The following ZNF407 variants were observed in gnomAD, a reference collection of about 807,000 sequenced individuals.
The protein encoded by ZNF407 is zinc finger protein 407.
ZNF407 carries 17 observed loss-of-function variants against 131.2 expected under a neutral mutation model. That is an observed-to-expected ratio of 0.13 (90% CI 0.09 to 0.19). The LOEUF is 0.19. ZNF407 is among the 10% of genes least tolerant of loss of function. ZNF407 has a pLI of 1.00. For missense variants in ZNF407, 2,681 were observed against 2,830.6 expected, an observed-to-expected ratio of 0.95 and a Z score of 1.20; for synonymous variants, 1,156 against 1,062.0, an observed-to-expected ratio of 1.09 and a Z score of -1.72.
chr18:75,063,461 A>C lies in ZNF407; in HGVS notation c.5740A>C (p.Thr1914Pro). Residue 1914 changes from threonine to proline, a missense_variant, in exon 9 of 9, where the codon ACG becomes CCG. By Grantham distance (38) the Thr-to-Pro change is conservative. Around this residue, in one of 6 missense-constraint regions of ZNF407, gnomAD observed 620 missense variants for 583.1 expected, o/e 1.06. Transcript: ENST00000299687. This position sits in a 1 kb window ranked among gnomAD's most constrained non-coding sequence, Gnocchi z 6.6. ...HITEDGQVIA[T>P]SQSGAHVGSV... Reference sequence around the variant, plus strand: ...CACGGAGGATGGCCAGGTCATCGCCACGAGTCAGAGCGGGGCACATGTAGG... The same window carrying C: ...CACGGAGGATGGCCAGGTCATCGCCCCGAGTCAGAGCGGGGCACATGTAGG... 1 of 1,606,362 alleles carries C rather than the reference A, an allele frequency of 6.2e-7. No homozygotes were observed. The highest frequency in any genetic ancestry group is 8.5e-7 in the Non-Finnish European group (1 of 1,177,506).
At chr18:75,042,539 G>T (rs1022505332) in intron 8 of ZNF407, among the ~76,000 whole-genome samples, 2 of 152,088 alleles carry the variant, frequency 1.3e-5, no homozygotes, top group Non-Finnish European at 2.9e-5. Flanking sequence ...GACAGGAAAT[G>T]ATTGGCACAC....
At chr18:74,718,376 T>C in intron 3 of ZNF407, among the ~76,000 whole-genome samples, 1 of 151,132 alleles carries the variant, frequency 6.6e-6, no homozygotes, top group East Asian at 2.0e-4. Context: ...GAAAAAAAAA[T>C]AGCTAGTTGT....
At chr18:74,977,883 A>C (rs558157358) in intron 8 of ZNF407, among the ~76,000 whole-genome samples, 2 of 152,142 alleles carry the variant, frequency 1.3e-5, no homozygotes, top group Admixed American at 1.3e-4. Flanking sequence ...TTTTCTCTTT[A>C]TACTTTCTCC....
At chr18:75,012,754 C>A in intron 8 of ZNF407, among the ~76,000 whole-genome samples, 1 of 151,586 alleles carries the variant, frequency 6.6e-6, no homozygotes. Context: ...AAATGTTAAC[C>A]TAATTTCATA....
intron 8 of ZNF407, among the ~76,000 whole-genome samples, chr18:74,985,777 T>C (rs1972645848): frequency 6.6e-6 from 1 of 152,052 alleles, no homozygotes; most frequent in African/African-American, 2.4e-5. Context: ...CAAAAAACTG[T>C]CATTGCTTGA....
intron 4 of ZNF407, among the ~76,000 whole-genome samples, chr18:74,858,417 C>T (rs950682683): frequency 6.6e-6 from 1 of 152,138 alleles, no homozygotes; most frequent in African/African-American, 2.4e-5. Context: ...CTACTTTGTA[C>T]AGCCAAATGG....
rs1484567549 is a variant in ZNF407 at position 74,637,648 on chromosome 18, AGGTTTTAATTCAG to A, written c.4687+1949_4687+1961del. On this transcript the variant is annotated intron_variant, in intron 2 of 8. Transcript: ENST00000299687. ...TCATTTTTTGGGGAAGTTGGTCTCC[AGGTTTTAATTCAG>A]GGTTTTTTTCTTGGAGCATCTTAAA... is the stretch of plus-strand genomic sequence containing the variant. Among the ~76,000 whole-genome samples, 9 of 152,336 alleles carry A rather than the reference AGGTTTTAATTCAG, an allele frequency of 5.9e-5. No individual in the cohort carries two copies. The East Asian group carries it at 1.7e-3, about 29-fold the overall frequency.
intron 3 of ZNF407, among the ~76,000 whole-genome samples, chr18:74,713,862 A>G (rs995887673): frequency 6.6e-6 from 1 of 152,172 alleles, no homozygotes; most frequent in Admixed American, 6.5e-5. Flanking sequence ...AATGACAACT[A>G]ATGGACTTCT....
Position 74,859,384 on chromosome 18 carries a change from T to C in ZNF407, c.4878-17813T>C, listed in dbSNP as rs1047396330. Among the ~76,000 whole-genome samples, 69 of 152,242 alleles carry C rather than the reference T, an allele frequency of 4.5e-4. 1 individual carries two copies. The highest frequency in any genetic ancestry group is 1.6e-3 in the African/African-American group (65 of 41,502). On this transcript the variant is annotated intron_variant, in intron 4 of 8. Coordinates refer to ENST00000299687, the MANE Select transcript of ZNF407 (RefSeq NM_017757.3). ...TCAGACGTTTTCAGCTAAATGTTAG[T>C]ATTTAACGTGTAACACTGGAAAGAT...
intron 7 of ZNF407, among the ~76,000 whole-genome samples, chr18:74,909,706 A>G (rs1033128873): frequency 6.6e-6 from 1 of 152,110 alleles, no homozygotes; most frequent in East Asian, 1.9e-4. Flanking sequence ...CTTCAGAAAT[A>G]ATATTTTTTG....
chr18:74,912,246 T>C (rs762679756), intron 7 of ZNF407, among the ~76,000 whole-genome samples: 1 of 152,280 alleles, frequency 6.6e-6, no homozygotes, highest in East Asian at 1.9e-4. Context: ...GTGATATTAA[T>C]TTATTATTGG....
At chr18:74,660,516 G>C (rs1985667963) in intron 3 of ZNF407, among the ~76,000 whole-genome samples, 2 of 152,042 alleles carry the variant, frequency 1.3e-5, no homozygotes, top group Non-Finnish European at 2.9e-5. Flanking sequence ...TAGTAATTAT[G>C]CCTCACAAAA....
chr18:74,688,385 T>G (rs1488130253), intron 3 of ZNF407, among the ~76,000 whole-genome samples: 1 of 152,236 alleles, frequency 6.6e-6, no homozygotes. Flanking sequence ...CAGATATCTA[T>G]GGGAACATCT....
intron 1 of ZNF407, among the ~76,000 whole-genome samples, chr18:74,623,126 CTG>C (rs36140737): frequency 0.17 from 23,642 of 143,036 alleles, 1,824 homozygotes; most frequent in Middle Eastern, 0.19. Context: ...GTCAGTGTGA[CTG>C]TGTGTGTGTC....
At chr18:74,672,871 A>G (rs943972174) in intron 3 of ZNF407, among the ~76,000 whole-genome samples, 2 of 152,192 alleles carry the variant, frequency 1.3e-5, no homozygotes, top group Admixed American at 6.5e-5. Context: ...TGTGCTCCCT[A>G]CCCATTATGT....
intron 8 of ZNF407, among the ~76,000 whole-genome samples, chr18:75,039,733 T>TG (rs1184168428): frequency 6.6e-6 from 1 of 151,212 alleles, no homozygotes; most frequent in African/African-American, 2.4e-5. Context: ...TTTTTTTTTT[T>TG]TTTTTAATCC....
intron 8 of ZNF407, among the ~76,000 whole-genome samples, chr18:74,991,877 A>T (rs1017858070): frequency 2.6e-5 from 4 of 152,244 alleles, no homozygotes; most frequent in African/African-American, 9.6e-5. Flanking sequence ...GTTTTGAGAG[A>T]AAATAATAGG....
intron 3 of ZNF407, among the ~76,000 whole-genome samples, chr18:74,662,930 G>C (rs8083945): frequency 6.6e-6 from 1 of 151,984 alleles, no homozygotes; most frequent in Admixed American, 6.5e-5. Context: ...TGAGTATGCC[G>C]CATCAAACTG....
intron 8 of ZNF407, among the ~76,000 whole-genome samples, chr18:74,991,940 G>A (rs1354283170): frequency 1.3e-5 from 2 of 152,324 alleles, no homozygotes; most frequent in African/African-American, 2.4e-5. Context: ...TTACTTTTTA[G>A]CATGAACCTT....
Sources: allele counts gnomAD v4.1 joint callset (sites outside exome capture counted in the v4.1 genomes callset), GRCh38; gene constraint gnomAD v4.1.1; regional missense constraint gnomAD v4.1.1; non-coding constraint Gnocchi (gnomAD v3.1); transcripts MANE v1.5; gene names NCBI Gene and HGNC (gene_info 2026-07-23, HGNC 2026-07-21).